Variants in LRMDA observed in about 807,000 individuals in gnomAD.
The protein encoded by LRMDA is leucine-rich melanocyte differentiation-associated protein.
A neutral mutation model predicts 29.8 loss-of-function variants in LRMDA; 18 were observed. The observed-to-expected ratio is 0.60, with a 90% CI of 0.42 to 0.90. LRMDA has a LOEUF of 0.90. LRMDA is among the 40% of genes least tolerant of loss of function. The pLI is 0.00. For missense variants in LRMDA, 273 were observed against 273.9 expected (o/e 1.00, Z 0.02); for synonymous variants, 125 against 109.4 (o/e 1.14, Z -0.89).
At chr10:75,556,428 A>G (rs986808046) in intron 2 of LRMDA, among the ~76,000 whole-genome samples, 3 of 152,218 alleles carry the variant, frequency 2.0e-5, no homozygotes, top group Admixed American at 2.0e-4. Flanking sequence ...TCAAGCATAA[A>G]GGTGAAATAA....
chr10:76,365,079 CACACACATATATATATATATATATATAT>C (rs1196071755), intron 6 of LRMDA, among the ~76,000 whole-genome samples: 18 of 18,088 alleles, frequency 1.0e-3, no homozygotes, highest in African/African-American at 2.6e-3. Context: ...TATACACACA[CACACACATATATATATATATATATATAT>C]ACACACACAC....
Position 75,946,797 on chromosome 10 carries a change from G to A in LRMDA, c.132-89211G>A, listed in dbSNP as rs142645110. 5.0e-3 allele frequency among the ~76,000 whole-genome samples: 765 copies of A among 152,166 alleles called. 10 individuals are homozygous for A. The highest frequency in any genetic ancestry group is 0.018 in the African/African-American group (737 of 41,510). On this transcript the variant is annotated intron_variant, in intron 2 of 6. Coordinates refer to ENST00000611255, the MANE Select transcript of LRMDA (RefSeq NM_001305581.2). ...ATCCCGCCTGCTACAGACTCCTCTC[G>A]TGTTCTCGGCCACTCACCTTAGGCA...
chr10:75,916,193 T>G (rs1407741), intron 2 of LRMDA, among the ~76,000 whole-genome samples: 13,036 of 140,070 alleles, frequency 0.093, 1,146 homozygotes, highest in African/African-American at 0.24. Context: ...TGTGTGTGTG[T>G]GTGGGTGGGT....
intron 5 of LRMDA, among the ~76,000 whole-genome samples, chr10:76,293,280 C>T (rs1358958): frequency 6.6e-6 from 1 of 152,272 alleles, no homozygotes; most frequent in South Asian, 2.1e-4. Context: ...CATGCCCAGC[C>T]TAGTCTGTGT....
intron 2 of LRMDA, among the ~76,000 whole-genome samples, chr10:75,647,927 G>A (rs1841544039): frequency 6.6e-6 from 1 of 152,096 alleles, no homozygotes; most frequent in Admixed American, 6.5e-5. Flanking sequence ...AAGTTCTGGA[G>A]CTCGCAGTTG....
chr10:75,820,762 G>C (rs1326017275), intron 2 of LRMDA, among the ~76,000 whole-genome samples: 2 of 151,964 alleles, frequency 1.3e-5, no homozygotes, highest in East Asian at 1.9e-4. Context: ...AAAATTAATA[G>C]ACCACTAACT....
intron 2 of LRMDA, among the ~76,000 whole-genome samples, chr10:75,766,143 A>G (rs1843162584): frequency 6.6e-6 from 1 of 152,208 alleles, no homozygotes; most frequent in Admixed American, 6.5e-5. Context: ...CTTAGGGAAT[A>G]TAGGCCACTT....
intron 4 of LRMDA, among the ~76,000 whole-genome samples, chr10:76,056,383 C>T (rs901840619): frequency 8.5e-5 from 13 of 152,224 alleles, no homozygotes; most frequent in Admixed American, 2.6e-4. Context: ...TGCTTTAGGC[C>T]ACCTCTGGCC....
intron 2 of LRMDA, among the ~76,000 whole-genome samples, chr10:75,567,586 T>G (rs1244017367): frequency 1.3e-5 from 2 of 152,152 alleles, no homozygotes; most frequent in Non-Finnish European, 2.9e-5. Flanking sequence ...CAAAACGGGA[T>G]TTTTGCCAAA....
At chr10:76,244,661 A>G (rs1226351717) in intron 5 of LRMDA, among the ~76,000 whole-genome samples, 1 of 152,136 alleles carries the variant, frequency 6.6e-6, no homozygotes, top group Non-Finnish European at 1.5e-5. Flanking sequence ...AGAAGAGACA[A>G]CACATGGGAG....
At position 76,179,556 on chromosome 10, in the gene LRMDA, T is replaced by C. The variant is rs187851284; in HGVS notation, c.516+120773T>C. Among the ~76,000 whole-genome samples the C allele has an allele frequency of 2.6e-5, 4 of 152,316 alleles. No individual in the cohort carries two copies. The East Asian group carries it at 5.8e-4, about 22-fold the overall frequency. On this transcript the variant is annotated intron_variant, in intron 5 of 6. Transcript: ENST00000611255. ...ATGTTTTGAAGAACCCAGGACTGTC[T>C]TGTCGGTAAGAAAGAAAATGCTTCA... is the stretch of plus-strand genomic sequence containing the variant.
chr10:75,775,333 A>G (rs543432884), intron 2 of LRMDA, among the ~76,000 whole-genome samples: 12 of 152,334 alleles, frequency 7.9e-5, no homozygotes, highest in African/African-American at 2.6e-4. Flanking sequence ...ACAGCACACT[A>G]CAGCCTCAAA....
At chr10:75,670,189 A>G (rs758138206) in intron 2 of LRMDA, among the ~76,000 whole-genome samples, 17 of 152,232 alleles carry the variant, frequency 1.1e-4, no homozygotes, top group Non-Finnish European at 1.8e-4. Context: ...TTAACAGTGT[A>G]AGTGACCTTT....
intron 5 of LRMDA, among the ~76,000 whole-genome samples, chr10:76,264,746 G>A (rs575217650): frequency 1.3e-4 from 20 of 152,192 alleles, no homozygotes; most frequent in Non-Finnish European, 2.2e-4. Flanking sequence ...AGGCACCTTT[G>A]TGAAAGGAAA....
intron 6 of LRMDA, among the ~76,000 whole-genome samples, chr10:76,480,567 A>G (rs1379652741): frequency 1.3e-5 from 2 of 152,006 alleles, no homozygotes; most frequent in African/African-American, 2.4e-5. Flanking sequence ...AAAGCCAGGA[A>G]TATAATTTAT....
At chr10:76,106,992 G>A (rs1466394866) in intron 5 of LRMDA, among the ~76,000 whole-genome samples, 1 of 152,218 alleles carries the variant, frequency 6.6e-6, no homozygotes, top group South Asian at 2.1e-4. Context: ...GAGTCCCAGA[G>A]CAGCTATTTC....
chr10:75,784,164 G>A (rs1843432553), intron 2 of LRMDA, among the ~76,000 whole-genome samples: 2 of 152,158 alleles, frequency 1.3e-5, no homozygotes, highest in African/African-American at 2.4e-5. Context: ...TAGGACTGGT[G>A]GAGCCAGATG....
intron 6 of LRMDA, among the ~76,000 whole-genome samples, chr10:76,371,411 CTT>C (rs1161322882): frequency 6.6e-6 from 1 of 152,006 alleles, no homozygotes; most frequent in Non-Finnish European, 1.5e-5. Context: ...GTCAAACACA[CTT>C]TATTTTTTTT....
At chr10:75,790,237 C>T (rs778746865) in intron 2 of LRMDA, among the ~76,000 whole-genome samples, 8 of 152,148 alleles carry the variant, frequency 5.3e-5, no homozygotes, top group Non-Finnish European at 1.2e-4. Context: ...GTTGCATGGC[C>T]TTCCTCAAGT....
Sources: gnomAD v4.1 joint callset for allele counts (sites outside exome capture counted in the v4.1 genomes callset) on GRCh38, gnomAD v4.1.1 for gene constraint, MANE v1.5 for transcripts, NCBI Gene and HGNC (gene_info 2026-07-23, HGNC 2026-07-21) for gene names.